The following ZNF804B variants were observed in gnomAD, a reference collection of about 807,000 sequenced individuals.
ZNF804B encodes the protein zinc finger 804B.
A neutral mutation model predicts 101.4 loss-of-function variants in ZNF804B; 80 were observed. The ratio of observed to expected loss-of-function variants is 0.79; its 90% CI spans 0.66 to 0.95. ZNF804B has a LOEUF of 0.95. ZNF804B is among the 40% of genes least tolerant of loss of function. The pLI is 0.00. For synonymous variants in ZNF804B, 622 were observed against 558.8 expected (o/e 1.11, Z -1.59); for missense variants, 1,673 against 1,561.9 (o/e 1.07, Z -1.20).
intron 1 of ZNF804B, among the ~76,000 whole-genome samples, chr7:89,198,925 A>G (rs1788592661): frequency 6.6e-6 from 1 of 151,956 alleles, no homozygotes; most frequent in Non-Finnish European, 1.5e-5. Flanking sequence ...CATTATTTCT[A>G]ACAAGTAACT....
At position 88,968,669 on chromosome 7, in the gene ZNF804B, G is replaced by A. The variant is rs559934391; in HGVS notation, c.108+208585G>A. On this transcript the variant is annotated intron_variant, in intron 1 of 3. Transcript: ENST00000333190. ...TATGGAAGAATAAGGTGCATACATT[G>A]CTTTCAAATTGTAAGGAGACTTTTC... 2.0e-4 allele frequency among the ~76,000 whole-genome samples: 31 copies of A among 151,658 alleles called. No homozygotes were observed. The South Asian group carries it at 6.2e-3, about 30-fold the overall frequency.
chr7:89,016,453 G>A (rs1480399428), intron 1 of ZNF804B, among the ~76,000 whole-genome samples: 1 of 151,496 alleles, frequency 6.6e-6, no homozygotes, highest in African/African-American at 2.4e-5. Flanking sequence ...TTTTCTTCTA[G>A]GGTTTTTATG....
At chr7:89,052,683 G>A (rs372357667) in intron 1 of ZNF804B, among the ~76,000 whole-genome samples, 6 of 152,054 alleles carry the variant, frequency 3.9e-5, no homozygotes, top group East Asian at 1.9e-4. Flanking sequence ...CTCAAACCTC[G>A]TACACAAGGA....
rs397791531 is a variant in ZNF804B, at chr7:89,309,759, CAAAAAAAAAAAAAAAAAAA to C, written c.250-17565_250-17547del. ...TGGGCTACAGAGTGAGACCCTGTCTCAAAAAAAAAAAAAAAAAAAAAAAAAAAAAAAAAAAAAAGAAGCA... is the reference window on the plus strand; with the variant it reads ...TGGGCTACAGAGTGAGACCCTGTCTCAAAAAAAAAAAAAAAAAAAGAAGCA... On this transcript the variant is annotated intron_variant, in intron 2 of 3. Coordinates refer to ENST00000333190, the MANE Select transcript of ZNF804B (RefSeq NM_181646.5). 6.7e-3 allele frequency among the ~76,000 whole-genome samples: 476 copies of C among 70,774 alleles called. 12 individuals are homozygous for C. The highest frequency in any genetic ancestry group is 0.013 in the South Asian group (20 of 1,486). The allele number at this position is 70,774 out of a possible 152,430, so 46.4% of individuals were successfully genotyped here.
chr7:88,774,781 C>A (rs946216621), intron 1 of ZNF804B, among the ~76,000 whole-genome samples: 3 of 152,044 alleles, frequency 2.0e-5, no homozygotes, highest in African/African-American at 4.8e-5. Flanking sequence ...GGTTTAGGGG[C>A]CTCTAAATTG....
At chr7:89,158,878 C>T (rs1791016809) in intron 1 of ZNF804B, among the ~76,000 whole-genome samples, 1 of 152,038 alleles carries the variant, frequency 6.6e-6, no homozygotes, top group Non-Finnish European at 1.5e-5. Flanking sequence ...TAAGATCCCC[C>T]CAAAAATTGA....
At chr7:88,857,877 A>G (rs73200660) in intron 1 of ZNF804B, among the ~76,000 whole-genome samples, 6,602 of 119,416 alleles carry the variant, frequency 0.055, 178 homozygotes, top group Middle Eastern at 0.14. Context: ...ACTGGAGGGC[A>G]GTGGCACACA....
intron 1 of ZNF804B, among the ~76,000 whole-genome samples, chr7:88,760,535 A>G (rs1266416483): frequency 4.6e-5 from 7 of 152,216 alleles, no homozygotes; most frequent in African/African-American, 7.2e-5. Context: ...CCCTCAAATC[A>G]TTGGCAAAAG....
chr7:89,030,606 A>C (rs1484471757), intron 1 of ZNF804B, among the ~76,000 whole-genome samples: 1 of 152,132 alleles, frequency 6.6e-6, no homozygotes, highest in Non-Finnish European at 1.5e-5. Flanking sequence ...AAATATCTTA[A>C]CTTTTTTTGG....
At chr7:89,005,509 G>T (rs887788062) in intron 1 of ZNF804B, among the ~76,000 whole-genome samples, 1 of 151,918 alleles carries the variant, frequency 6.6e-6, no homozygotes, top group South Asian at 2.1e-4. Context: ...TTATTCTCTG[G>T]TAACATAAAT....
chr7:89,331,888 G>GA (rs1013473882), intron 3 of ZNF804B, among the ~76,000 whole-genome samples: 10 of 151,148 alleles, frequency 6.6e-5, no homozygotes, highest in African/African-American at 1.2e-4. Flanking sequence ...TAAATCAAGG[G>GA]AAAAAAATGT....
chr7:88,860,867 C>T (rs1409361454), intron 1 of ZNF804B, among the ~76,000 whole-genome samples: 2 of 152,142 alleles, frequency 1.3e-5, no homozygotes, highest in Non-Finnish European at 2.9e-5. Context: ...AATAAAATAG[C>T]ACCAGAATAT....
intron 1 of ZNF804B, among the ~76,000 whole-genome samples, chr7:89,117,779 TCATG>T (rs1790332823): frequency 1.3e-5 from 2 of 152,196 alleles, no homozygotes; most frequent in Admixed American, 6.5e-5. Flanking sequence ...AGGCTTGTAA[TCATG>T]TTGCTTTATT....
intron 1 of ZNF804B, among the ~76,000 whole-genome samples, chr7:88,915,538 A>G (rs2115984601): frequency 6.6e-6 from 1 of 152,136 alleles, no homozygotes; most frequent in Middle Eastern, 3.4e-3. Flanking sequence ...AAAATATATT[A>G]GGTATGTATT....
At chr7:89,306,505 T>C (rs1584116237) in intron 2 of ZNF804B, among the ~76,000 whole-genome samples, 1 of 151,832 alleles carries the variant, frequency 6.6e-6, no homozygotes, top group African/African-American at 2.4e-5. Context: ...TTTTATTTTA[T>C]TTTTTCTAGA....
chr7:88,929,699 T>A (rs1792854956), intron 1 of ZNF804B, among the ~76,000 whole-genome samples: 1 of 151,960 alleles, frequency 6.6e-6, no homozygotes, highest in Admixed American at 6.6e-5. Context: ...TGTTAGTCTT[T>A]GAACAACAAC....
intron 1 of ZNF804B, among the ~76,000 whole-genome samples, chr7:88,940,080 G>A (rs916215225): frequency 6.6e-6 from 1 of 151,832 alleles, no homozygotes; most frequent in Non-Finnish European, 1.5e-5. Context: ...TTCTTTTTAA[G>A]TGTTCTCACA....
chr7:88,897,697 T>G (rs1253542630), intron 1 of ZNF804B, among the ~76,000 whole-genome samples: 1 of 152,116 alleles, frequency 6.6e-6, no homozygotes, highest in Non-Finnish European at 1.5e-5. Flanking sequence ...CTCTGTTGAG[T>G]GGCAAAGCTG....
At chr7:88,948,887 C>T (rs1469711760) in intron 1 of ZNF804B, among the ~76,000 whole-genome samples, 1 of 151,858 alleles carries the variant, frequency 6.6e-6, no homozygotes. Flanking sequence ...TTTTTCTAGT[C>T]CGCGATCACA....
Sources: gnomAD v4.1 joint callset for allele counts (sites outside exome capture counted in the v4.1 genomes callset) on GRCh38, gnomAD v4.1.1 for gene constraint, MANE v1.5 for transcripts, NCBI Gene and HGNC (gene_info 2026-07-23, HGNC 2026-07-21) for gene names.